Variants in SH3PXD2B observed in about 807,000 individuals in gnomAD.
SH3PXD2B encodes SH3 and PX domains 2B, also known as SH3 and PX domain-containing protein 2B.
Under a neutral mutation model 73.1 loss-of-function variants are expected in SH3PXD2B, and 37 were observed. The observed-to-expected ratio is 0.51, with a 90% CI of 0.39 to 0.67. The LOEUF is 0.67. Among genes scored for constraint, SH3PXD2B ranks in the 30% least tolerant of loss-of-function variants. The probability of loss-of-function intolerance (pLI) is 0.00; values close to 1 mark genes in which losing one functional copy is unlikely to be tolerated. For missense variants in SH3PXD2B, 1,053 were observed against 1,197.8 expected (o/e 0.88, Z 1.78); for synonymous variants, 457 against 480.5 (o/e 0.95, Z 0.64).
chr5:172,450,028 A>G (rs547983806), intron 1 of SH3PXD2B, among the ~76,000 whole-genome samples: 1 of 152,254 alleles, frequency 6.6e-6, no homozygotes, highest in Non-Finnish European at 1.5e-5. Context: ...AGGGAAAAAC[A>G]TTAAAAGGTC....
intron 4 of SH3PXD2B, among the ~76,000 whole-genome samples, chr5:172,387,729 A>C (rs1178495253): frequency 1.3e-5 from 2 of 152,186 alleles, no homozygotes; most frequent in Non-Finnish European, 2.9e-5. Flanking sequence ...AAATACTTGT[A>C]TGTGTGACAG....
chr5:172,355,814 G>A (rs1272115042), intron 8 of SH3PXD2B, among the ~76,000 whole-genome samples: 1 of 152,120 alleles, frequency 6.6e-6, no homozygotes, highest in South Asian at 2.1e-4. Context: ...AACGTGCTGG[G>A]ACTATAGGTG....
intron 1 of SH3PXD2B, among the ~76,000 whole-genome samples, chr5:172,423,885 C>T (rs984655354): frequency 1.3e-5 from 2 of 152,128 alleles, no homozygotes; most frequent in South Asian, 2.1e-4. Flanking sequence ...TCAAGTGATC[C>T]ACCTATGTCG....
intron 9 of SH3PXD2B, among the ~76,000 whole-genome samples, chr5:172,352,334 C>T (rs1396277515): frequency 6.6e-6 from 1 of 152,166 alleles, no homozygotes; most frequent in Non-Finnish European, 1.5e-5. Flanking sequence ...GAGTGATCCT[C>T]CTGCCTCAGC....
rs1262684269 is a variant in SH3PXD2B, at chr5:172,445,377, T to G, written c.75+8901A>C. Among the ~76,000 whole-genome samples, 1 of 151,934 alleles carries G rather than the reference T, an allele frequency of 6.6e-6. No homozygotes were observed. Among genetic ancestry groups the G allele is most frequent in the Non-Finnish European group, 1.5e-5 (1 of 67,984 alleles). On this transcript the variant is annotated intron_variant, in intron 1 of 12. Coordinates refer to ENST00000311601, the MANE Select transcript of SH3PXD2B (RefSeq NM_001017995.3). The surrounding 1 kb of genome is among the most constrained non-coding windows in gnomAD (Gnocchi z 5.2). The stretch of plus-strand genomic sequence containing the variant: ...GCGAGAATCATCACACCCAGCTAAT[T>G]TTGTGGATTTTTAGTAGAGATGAGG...
intron 6 of SH3PXD2B, among the ~76,000 whole-genome samples, chr5:172,372,480 A>G (rs1467223304): frequency 6.6e-6 from 1 of 152,198 alleles, no homozygotes; most frequent in Non-Finnish European, 1.5e-5. Flanking sequence ...CGATGAGCCA[A>G]TGAAACCTCT....
intron 1 of SH3PXD2B, among the ~76,000 whole-genome samples, chr5:172,424,928 C>T (rs1759061086): frequency 1.3e-5 from 2 of 152,174 alleles, no homozygotes; most frequent in South Asian, 4.1e-4. Context: ...CATCCCTGCT[C>T]ACAAAAACAG....
intron 1 of SH3PXD2B, among the ~76,000 whole-genome samples, chr5:172,453,554 CCT>C (rs562363908): frequency 6.6e-6 from 1 of 152,326 alleles, no homozygotes; most frequent in South Asian, 2.1e-4. Context: ...GGACCTGCAA[CCT>C]CTGAGCCTCA....
rs373166524 is a variant in SH3PXD2B at position 172,350,335 on chromosome 5, A to G, written c.1012+28T>C. Reference sequence around the variant, plus strand: ...GAGCTGGCACACAGGGGCCCTGATTATCAGGAGCTTGGGCGGGTGTCACTC... The same window carrying G: ...GAGCTGGCACACAGGGGCCCTGATTGTCAGGAGCTTGGGCGGGTGTCACTC... On this transcript the variant is annotated intron_variant, in intron 10 of 12. Coordinates refer to ENST00000311601, the MANE Select transcript of SH3PXD2B (RefSeq NM_001017995.3). The G allele has an allele frequency of 2.5e-5, 40 of 1,610,280 alleles. No individual in the cohort carries two copies. In the Middle Eastern group the frequency reaches 1.3e-3, roughly 52 times the overall value.
At chr5:172,387,085 G>A (rs2113383297) in intron 4 of SH3PXD2B, among the ~76,000 whole-genome samples, 1 of 152,310 alleles carries the variant, frequency 6.6e-6, no homozygotes, top group South Asian at 2.1e-4. Flanking sequence ...ATATAGGTGG[G>A]TGGTGTATGA....
chr5:172,368,774 T>C (rs1163241387), intron 6 of SH3PXD2B, among the ~76,000 whole-genome samples: 7 of 121,942 alleles, frequency 5.7e-5, no homozygotes, highest in South Asian at 2.3e-4. Context: ...ATAATATACA[T>C]ATATATTTAA....
rs375632164 is a variant in SH3PXD2B at position 172,406,364 on chromosome 5, G to GC, written c.157-13dup. On this transcript the variant is annotated splice_polypyrimidine_tract_variant and intron_variant, in intron 2 of 12. Transcript: ENST00000311601. ...TCCAACATCTGCATCTAAGTGGGGG[G>GC]CGAATACCAAAAACAAAAACCTTTC... The GC allele has an allele frequency of 2.4e-5, 38 of 1,613,944 alleles. No homozygotes were observed. In the African/African-American group the frequency reaches 4.1e-4, roughly 18 times the overall value.
chr5:172,426,279 C>A (rs1006589841), intron 1 of SH3PXD2B, among the ~76,000 whole-genome samples: 1 of 152,174 alleles, frequency 6.6e-6, no homozygotes, highest in Non-Finnish European at 1.5e-5. Flanking sequence ...GGCTTTGTCC[C>A]CGTCCTGGGT....
At chr5:172,436,594 C>T (rs1177075358) in intron 1 of SH3PXD2B, among the ~76,000 whole-genome samples, 5 of 152,160 alleles carry the variant, frequency 3.3e-5, no homozygotes, top group Non-Finnish European at 5.9e-5. Context: ...GCCAGGGCTA[C>T]CATCGGGAGG....
At chr5:172,372,111 G>A (rs974732044) in intron 6 of SH3PXD2B, among the ~76,000 whole-genome samples, 7 of 152,208 alleles carry the variant, frequency 4.6e-5, no homozygotes, top group African/African-American at 1.4e-4. Flanking sequence ...CAAAGGTACT[G>A]GAGCTTTTGA....
In SH3PXD2B at chr5:172,454,322, T is replaced by C; in HGVS notation, c.31A>G (p.Lys11Glu). 2 of 1,590,662 alleles carry C rather than the reference T, an allele frequency of 1.3e-6. No homozygotes were observed. Among genetic ancestry groups the C allele is most frequent in the South Asian group, 2.2e-5 (2 of 89,448 alleles). Residue 11 changes from lysine (K) to glutamate (E), a missense_variant, in exon 1 of 13, where the codon AAG becomes GAG. Around this residue, in one of 2 missense-constraint regions of SH3PXD2B, gnomAD observed 466 missense variants for 607.1 expected, o/e 0.77. Transcript: ENST00000311601. Reference sequence around the variant, plus strand: ...CGCCGCTTCTGCACGTCTAGCACCTTCACCTCCACGATGCTGCGCCGCGGC... The same window carrying C: ...CGCCGCTTCTGCACGTCTAGCACCTCCACCTCCACGATGCTGCGCCGCGGC... MPPRRSIVEV[K>E]VLDVQKRRVP... is the part of the protein sequence containing the mutation.
chr5:172,328,395 C>T (rs1756486094), intron 12 of SH3PXD2B, among the ~76,000 whole-genome samples: 1 of 152,144 alleles, frequency 6.6e-6, no homozygotes, highest in Admixed American at 6.6e-5. Context: ...TGAGCCACCG[C>T]ACCCAGCCGC....
intron 7 of SH3PXD2B, among the ~76,000 whole-genome samples, chr5:172,359,657 C>A (rs11952863): frequency 0.015 from 2,235 of 152,228 alleles, 50 homozygotes; most frequent in African/African-American, 0.051. Context: ...CTCAGACATT[C>A]CCCAATGAGA....
Position 172,335,588 on chromosome 5 carries a change from G to GGCACT in SH3PXD2B, c.*2776_*2780dup. The GGCACT allele has an allele frequency of 8.1e-7, 1 of 1,231,808 alleles. No individual in the cohort carries two copies. The highest frequency in any genetic ancestry group is 1.0e-6 in the Non-Finnish European group (1 of 988,020). 76.3% of individuals were successfully genotyped at this position (1,231,808 alleles called of 1,614,324 possible). A position where few individuals can be genotyped will look rare whatever the true frequency, so the allele number is the denominator to read the frequency against. On this transcript the variant is annotated 3_prime_UTR_variant, in exon 13 of 13. Coordinates refer to ENST00000311601, the MANE Select transcript of SH3PXD2B (RefSeq NM_001017995.3). ...AGGATTAAAGGAGCGTGTGTGTTTAGGCACTGGTCACCAGCCCGGTGCTTG... is the reference window on the plus strand; with the variant it reads ...AGGATTAAAGGAGCGTGTGTGTTTAGGCACTGCACTGGTCACCAGCCCGGTGCTTG...
Sources: gnomAD v4.1 joint callset for allele counts (sites outside exome capture counted in the v4.1 genomes callset) on GRCh38, gnomAD v4.1.1 for gene constraint, gnomAD v4.1.1 regional missense constraint, Gnocchi (gnomAD v3.1) non-coding constraint, MANE v1.5 for transcripts, NCBI Gene and HGNC (gene_info 2026-07-23, HGNC 2026-07-21) for gene names.